The following PI4KA variants were observed in gnomAD, a reference collection of about 807,000 sequenced individuals.
PI4KA encodes the protein phosphatidylinositol 4-kinase alpha.
Under a neutral mutation model 271.4 loss-of-function variants are expected in PI4KA, and 122 were observed. The ratio of observed to expected loss-of-function variants is 0.45; its 90% CI spans 0.39 to 0.52. The LOEUF (loss-of-function observed/expected upper bound fraction) is 0.52. Among genes scored for constraint, PI4KA ranks in the 20% least tolerant of loss-of-function variants. The pLI is 0.00. For missense variants in PI4KA, 1,969 were observed against 2,769.1 expected (o/e 0.71, Z 6.48); for synonymous variants, 1,041 against 1,078.8 (o/e 0.96, Z 0.69).
intron 22 of PI4KA, among the ~76,000 whole-genome samples, chr22:20,763,363 G>A (rs1222758126): frequency 6.6e-6 from 1 of 151,786 alleles, no homozygotes; most frequent in Non-Finnish European, 1.5e-5. Flanking sequence ...GCCTGCCTCG[G>A]CCTCCCAAAG....
At chr22:20,710,427 G>T (rs1468463136) in intron 52 of PI4KA, 8 of 559,956 alleles carry the variant, frequency 1.4e-5, no homozygotes, top group Non-Finnish European at 2.3e-5. Context: ...TCAGGCTTTG[G>T]TGACAGGGTG....
rs373375136 is a variant in PI4KA at position 20,844,983 on chromosome 22, T to G, written c.157-6252A>C. On this transcript the variant is annotated intron_variant, in intron 1 of 54. Transcript: ENST00000255882. ...TTGTTTTTAGGGGTCTTAGGGGGAGTGGGTCATTATAAAAAGTCATTAAGC... is the reference window on the plus strand; with the variant it reads ...TTGTTTTTAGGGGTCTTAGGGGGAGGGGGTCATTATAAAAAGTCATTAAGC... Among the ~76,000 whole-genome samples the G allele has an allele frequency of 1.1e-4, 16 of 151,892 alleles. No homozygotes were observed. The South Asian group carries it at 2.9e-3, about 28-fold the overall frequency.
chr22:20,823,799 G>C (rs893168019), intron 4 of PI4KA, among the ~76,000 whole-genome samples: 3 of 152,194 alleles, frequency 2.0e-5, no homozygotes, highest in African/African-American at 7.2e-5. Context: ...CAAATTAGCT[G>C]GCATGATGGT....
At chr22:20,713,206 G>C in intron 48 of PI4KA, 75 bp downstream of exon 48, 2 of 1,025,136 alleles carry the variant, frequency 2.0e-6, no homozygotes, top group Non-Finnish European at 3.0e-6. Flanking sequence ...TATGAGATTG[G>C]ACTCTGGCGG....
chr22:20,858,780 C>G lies in PI4KA; in HGVS notation c.-55G>C, dbSNP rs761308454. 3.4e-5 allele frequency: 46 copies of G among 1,367,458 alleles called. No homozygotes were observed. In the South Asian group the frequency reaches 6.3e-4, roughly 19 times the overall value. 84.7% of individuals were successfully genotyped at this position (1,367,458 alleles called of 1,614,324 possible). On this transcript the variant is annotated 5_prime_UTR_variant, in exon 1 of 55. Transcript: ENST00000255882. ...GCTCCCCGCTCCTGGCCCGCGAGCG[C>G]CCGACCTCAGGGCGCAGGCGTAGGT...
At chr22:20,854,027 G>A (rs1025504096) in intron 1 of PI4KA, among the ~76,000 whole-genome samples, 1 of 151,608 alleles carries the variant, frequency 6.6e-6, no homozygotes. Context: ...ACTTGCTGCT[G>A]TTCACCTGAG....
Position 20,752,889 on chromosome 22 carries a change from G to A in PI4KA, c.2987+14C>T, listed in dbSNP as rs778864751. 6.2e-7 allele frequency: 1 copy of A among 1,612,904 alleles called. No homozygotes were observed. Among genetic ancestry groups the A allele is most frequent in the African/African-American group, 1.3e-5 (1 of 74,892 alleles). On this transcript the variant is annotated intron_variant, in intron 25 of 54. Transcript: ENST00000255882. ...ATACATACACACAAAACATTAGCAG[G>A]AAAATGAGCTTACTTATCCACCAGA...
chr22:20,828,439 C>T (rs540650105), intron 3 of PI4KA, among the ~76,000 whole-genome samples: 4 of 152,244 alleles, frequency 2.6e-5, no homozygotes, highest in African/African-American at 9.6e-5. Flanking sequence ...TTCTGGTTTT[C>T]AAGGGGAATG....
intron 3 of PI4KA, among the ~76,000 whole-genome samples, chr22:20,833,309 T>C (rs932845837): frequency 4.6e-5 from 7 of 152,062 alleles, no homozygotes; most frequent in Admixed American, 6.6e-5. Flanking sequence ...CTCTGAAGGG[T>C]AGTGCCAGCC....
intron 19 of PI4KA, among the ~76,000 whole-genome samples, chr22:20,772,694 T>C (rs561399348): frequency 1.3e-5 from 2 of 152,316 alleles, no homozygotes; most frequent in African/African-American, 4.8e-5. Flanking sequence ...CTCCCAAACA[T>C]GCTCTTGAGG....
chr22:20,730,198 T>C (rs1927851019), intron 36 of PI4KA, among the ~76,000 whole-genome samples, 187 bp from the exon 37 acceptor site: 3 of 152,098 alleles, frequency 2.0e-5, no homozygotes, highest in Admixed American at 2.0e-4. Context: ...AGAAGTTCTT[T>C]ATTTTAACTA....
intron 42 of PI4KA, 164 bp downstream of exon 42, chr22:20,726,324 G>A (rs1927340372): frequency 1.8e-6 from 1 of 543,366 alleles, no homozygotes; most frequent in African/African-American, 2.0e-5. Flanking sequence ...GGGTATCAAG[G>A]GACAATCACA....
In PI4KA at chr22:20,774,773, A is replaced by AG. The variant is rs201634787; in HGVS notation, c.2329-9081_2329-9080insC. 2.2e-3 allele frequency among the ~76,000 whole-genome samples: 339 copies of AG among 151,850 alleles called. 4 individuals are homozygous for AG. The East Asian group carries it at 0.054, about 24-fold the overall frequency. On this transcript the variant is annotated intron_variant, in intron 19 of 54. Transcript: ENST00000255882. ...TAGACTCCGTCAAAAAAAAAAAAAAAAAGAAGAAAAAAGAAAAAATGTTAG... is the reference window on the plus strand; with the variant it reads ...TAGACTCCGTCAAAAAAAAAAAAAAAGAAGAAGAAAAAAGAAAAAATGTTAG...
At chr22:20,802,583 C>T (rs178043) in intron 13 of PI4KA, among the ~76,000 whole-genome samples, 74,112 of 152,016 alleles carry the variant, frequency 0.49, 18,576 homozygotes, top group African/African-American at 0.59. Flanking sequence ...TCACCCAGGC[C>T]GGAATGCAGT....
rs376559240 is a variant in PI4KA, at chr22:20,796,299, T to C, written c.2124A>G (p.Ala708=). The stretch of plus-strand genomic sequence containing the variant: ...CGATGTTGGCCAGGGCATTAATCAC[T>C]GCCAGGGAGCAATGCCTGAAGAAGA... ...KDHGYRHCSL[A]VINALANIAA... The change falls in exon 18 of 55, where the codon GCA becomes GCG. Residue 708 remains alanine (A), a synonymous_variant. Coordinates refer to ENST00000255882, the MANE Select transcript of PI4KA (RefSeq NM_058004.4). 3.5e-5 allele frequency: 57 copies of C among 1,613,600 alleles called. No homozygotes were observed. The highest frequency in any genetic ancestry group is 4.7e-5 in the Non-Finnish European group (55 of 1,179,846).
rs772936129 is a variant in PI4KA at position 20,799,796 on chromosome 22, G to A, written c.1725-30C>T. The A allele has an allele frequency of 4.3e-6, 6 of 1,386,408 alleles. No homozygotes were observed. The South Asian group carries it at 7.6e-5, about 18-fold the overall frequency. The allele number at this position is 1,386,408 out of a possible 1,614,324, so 85.9% of individuals were successfully genotyped here. ...GGAGCAAGAAAACCCATGTGGCACT[G>A]AGGCATCAAACCAAGATAGGTTTTT... On this transcript the variant is annotated intron_variant, in intron 14 of 54. Transcript: ENST00000255882.
At chr22:20,780,299 T>C in intron 19 of PI4KA, 2 of 1,568,328 alleles carry the variant, frequency 1.3e-6, no homozygotes, top group Non-Finnish European at 1.8e-6. Flanking sequence ...AGCTATAATT[T>C]ATCCAGGAAA....
At chr22:20,770,238 A>T (rs165589) in intron 19 of PI4KA, among the ~76,000 whole-genome samples, 3 of 150,808 alleles carry the variant, frequency 2.0e-5, no homozygotes, top group South Asian at 2.1e-4. Flanking sequence ...GCTAGCCGGG[A>T]GCAGTGGCTC....
chr22:20,842,695 C>T (rs1175477909), intron 1 of PI4KA, among the ~76,000 whole-genome samples: 1 of 152,042 alleles, frequency 6.6e-6, no homozygotes, highest in Non-Finnish European at 1.5e-5. Flanking sequence ...GGCCTATAAT[C>T]CCAGCTACTC....
Sources: gnomAD v4.1 joint callset for allele counts (sites outside exome capture counted in the v4.1 genomes callset) on GRCh38, gnomAD v4.1.1 for gene constraint, MANE v1.5 for transcripts, NCBI Gene and HGNC (gene_info 2026-07-23, HGNC 2026-07-21) for gene names.